Variants in FGFR3 observed in about 807,000 individuals in gnomAD.
The protein encoded by FGFR3 is fibroblast growth factor receptor 3.
In FGFR3, 25 loss-of-function variants were observed where a neutral mutation model predicts 82.9. The ratio of observed to expected loss-of-function variants is 0.30; its 90% CI spans 0.22 to 0.42. The LOEUF (loss-of-function observed/expected upper bound fraction) is 0.42. FGFR3 is among the 10% of genes least tolerant of loss of function. The pLI, the probability that FGFR3 is intolerant of heterozygous loss-of-function variation, is 1.00. For missense variants in FGFR3, 1,026 were observed against 1,161.0 expected (o/e 0.88, Z 1.69); for synonymous variants, 620 against 516.0 (o/e 1.20, Z -2.73).
At position 1,804,403 on chromosome 4, in the gene FGFR3, C is replaced by T. The variant is rs1721606054; in HGVS notation, c.1149C>T (p.Phe383=). 3 of 1,613,218 alleles carry T rather than the reference C, an allele frequency of 1.9e-6. No homozygotes were observed. The highest frequency in any genetic ancestry group is 3.3e-5 in the Admixed American group (2 of 59,984). The change falls in exon 9 of 18, where the codon TTC becomes TTT. Residue 383 remains phenylalanine, a synonymous_variant. Coordinates refer to ENST00000440486, the MANE Select transcript of FGFR3 (RefSeq NM_000142.5). ...YAGILSYGVG[F]FLFILVVAAV... ...GCATCCTCAGCTACGGGGTGGGCTTCTTCCTGTTCATCCTGGTGGTGGCGG... is the reference window on the plus strand; with the variant it reads ...GCATCCTCAGCTACGGGGTGGGCTTTTTCCTGTTCATCCTGGTGGTGGCGG...
chr4:1,795,271 C>T (rs558459981), intron 2 of FGFR3, among the ~76,000 whole-genome samples: 6 of 152,208 alleles, frequency 3.9e-5, no homozygotes, highest in South Asian at 2.1e-4. Context: ...GGGAGCTTGG[C>T]TTTCGCATTC....
At chr4:1,803,652 G>A (rs748737470) in intron 7 of FGFR3, 40 bp from the exon 8 acceptor site, 27 of 1,605,820 alleles carry the variant, frequency 1.7e-5, no homozygotes, top group African/African-American at 5.4e-5. Flanking sequence ...CCCGCAGGGC[G>A]GTGCTGGCGC....
At chr4:1,804,641 C>T in intron 9 of FGFR3, 121 bp downstream of exon 9, 1 of 1,455,850 alleles carries the variant, frequency 6.9e-7, no homozygotes, top group South Asian at 1.1e-5. Context: ...GGGCTCCCCT[C>T]TCCTCGTCTC....
At position 1,804,525 on chromosome 4, in the gene FGFR3, C is replaced by CAGAAAGT; in HGVS notation, c.1266+9_1266+15dup. 1 of 1,612,008 alleles carries CAGAAAGT rather than the reference C, an allele frequency of 6.2e-7. No homozygotes were observed. Among genetic ancestry groups the CAGAAAGT allele is most frequent in the Non-Finnish European group, 8.5e-7 (1 of 1,179,918 alleles). On this transcript the variant is annotated splice_donor_region_variant and intron_variant, in intron 9 of 17. Transcript: ENST00000440486. ...CGCTTCCCGCTCAAGCGACAGGTAA[C>CAGAAAGT]AGAAAGTAGATACCAGGTTCTGAGC...
In FGFR3 at chr4:1,796,350, T is replaced by C. The variant is rs959390305; in HGVS notation, c.109+2307T>C. On this transcript the variant is annotated intron_variant, in intron 2 of 17. Transcript: ENST00000440486. ...CTCCAGATCCCTTTTTTCCGGACTT[T>C]ATTGTGAAACTCCAGGTGGGGAGAC... Among the ~76,000 whole-genome samples the C allele has an allele frequency of 3.3e-5, 5 of 152,288 alleles. No homozygotes were observed. The East Asian group carries it at 9.6e-4, about 29-fold the overall frequency.
At chr4:1,795,831 T>C (rs1036568620) in intron 2 of FGFR3, among the ~76,000 whole-genome samples, 1 of 152,150 alleles carries the variant, frequency 6.6e-6, no homozygotes, top group Admixed American at 6.5e-5. Context: ...CCGAAGGTGC[T>C]GGCTGCAACC....
Position 1,806,377 on chromosome 4 carries a change from C to T in FGFR3, c.2030+50C>T, listed in dbSNP as rs1446224628. On this transcript the variant is annotated intron_variant, in intron 15 of 17. Coordinates refer to ENST00000440486, the MANE Select transcript of FGFR3 (RefSeq NM_000142.5). Reference sequence around the variant, plus strand: ...TTCAGGGGTGGAGGCGGGAACTGGGCAGAGCCAGGACCCCAGCTGCAGTCC... The same window carrying T: ...TTCAGGGGTGGAGGCGGGAACTGGGTAGAGCCAGGACCCCAGCTGCAGTCC... The T allele has an allele frequency of 1.9e-6, 3 of 1,608,582 alleles. No homozygotes were observed. In the African/African-American group the frequency reaches 4.0e-5, roughly 21 times the overall value.
rs746494257 is a variant in FGFR3, at chr4:1,807,575, C to G, written c.*313C>G. ...CCAGTGCAGAATGTAAGTGGGCCCA[C>G]CCGGTGGGACCCCCGTGGGGCAGGG... On this transcript the variant is annotated 3_prime_UTR_variant, in exon 18 of 18. Coordinates refer to ENST00000440486, the MANE Select transcript of FGFR3 (RefSeq NM_000142.5). The G allele has an allele frequency of 2.7e-5, 19 of 691,376 alleles. No individual in the cohort carries two copies. The African/African-American group carries it at 2.9e-4, about 11-fold the overall frequency. 42.8% of individuals were successfully genotyped at this position (691,376 alleles called of 1,614,324 possible). A position where few individuals can be genotyped will look rare whatever the true frequency, so the allele number is the denominator to read the frequency against.
At chr4:1,794,773 C>T (rs1720272791) in intron 2 of FGFR3, among the ~76,000 whole-genome samples, 1 of 151,908 alleles carries the variant, frequency 6.6e-6, no homozygotes, top group Non-Finnish European at 1.5e-5. Flanking sequence ...CCTCGTGGGC[C>T]GGGCCGAGAG....
At chr4:1,802,728 G>A (rs1721347382) in intron 7 of FGFR3, among the ~76,000 whole-genome samples, 1 of 152,188 alleles carries the variant, frequency 6.6e-6, no homozygotes, top group African/African-American at 2.4e-5. Flanking sequence ...TTGTTGGGGT[G>A]GAGGCAGAGA....
chr4:1,804,552 G>C lies in FGFR3; in HGVS notation c.1266+32G>C, dbSNP rs1461486402. 2.7e-5 allele frequency: 44 copies of C among 1,608,624 alleles called. 1 individual carries two copies. The Admixed American group carries it at 7.3e-4, about 27-fold the overall frequency. ...GAAAGTAGATACCAGGTTCTGAGCT[G>C]CCTGCCCGCCAGGCCTCCTGGAGCC... On this transcript the variant is annotated intron_variant, in intron 9 of 17. Coordinates refer to ENST00000440486, the MANE Select transcript of FGFR3 (RefSeq NM_000142.5).
At position 1,796,374 on chromosome 4, in the gene FGFR3, A is replaced by G. The variant is rs191452722; in HGVS notation, c.109+2331A>G. ...TTATTGTGAAACTCCAGGTGGGGAG[A>G]CAGGGAGGCTGGACTTTTGGGGGCC... is the stretch of plus-strand genomic sequence containing the variant. On this transcript the variant is annotated intron_variant, in intron 2 of 17. Transcript: ENST00000440486. 4.9e-4 allele frequency among the ~76,000 whole-genome samples: 75 copies of G among 152,140 alleles called. No individual in the cohort carries two copies. The East Asian group carries it at 0.014, about 28-fold the overall frequency.
At chr4:1,802,665 GC>G (rs1394019910) in intron 7 of FGFR3, among the ~76,000 whole-genome samples, 3 of 152,078 alleles carry the variant, frequency 2.0e-5, no homozygotes, top group Non-Finnish European at 4.4e-5. Flanking sequence ...TTCTGCAAGA[GC>G]CCGGGGGAGG....
At position 1,807,128 on chromosome 4, in the gene FGFR3, C is replaced by G. The variant is rs774517056; in HGVS notation, c.2287C>G (p.Leu763Val). ...TVTSTDEYLD[L>V]SAPFEQYSPG... Reference sequence around the variant, plus strand: ...CTCCCGCCAGCAGGAGTACCTGGACCTGTCGGCGCCTTTCGAGCAGTACTC... The same window carrying G: ...CTCCCGCCAGCAGGAGTACCTGGACGTGTCGGCGCCTTTCGAGCAGTACTC... The change falls in exon 18 of 18, where the codon CTG becomes GTG. Residue 763 changes from leucine to valine, a missense_variant. Around this residue, in one of 9 missense-constraint regions of FGFR3, gnomAD observed 155 missense variants for 150.2 expected, o/e 1.03. Transcript: ENST00000440486. 2.5e-6 allele frequency: 4 copies of G among 1,586,928 alleles called. No homozygotes were observed. The highest frequency in any genetic ancestry group is 3.4e-6 in the Non-Finnish European group (4 of 1,167,214).
chr4:1,808,177 T>C lies in FGFR3; in HGVS notation c.*915T>C, dbSNP rs1243136814. 2.6e-5 allele frequency: 6 copies of C among 232,492 alleles called. No homozygotes were observed. Among genetic ancestry groups the C allele is most frequent in the Non-Finnish European group, 4.2e-5 (5 of 117,692 alleles). 14.4% of individuals were successfully genotyped at this position (232,492 alleles called of 1,614,324 possible). A position where few individuals can be genotyped will look rare whatever the true frequency, so the allele number is the denominator to read the frequency against. ...CACTTCCAGCATTTAGCTGGCCACATGGCGGAGAGTTTTAATTTTTAACTT... is the reference window on the plus strand; with the variant it reads ...CACTTCCAGCATTTAGCTGGCCACACGGCGGAGAGTTTTAATTTTTAACTT... On this transcript the variant is annotated 3_prime_UTR_variant, in exon 18 of 18. Coordinates refer to ENST00000440486, the MANE Select transcript of FGFR3 (RefSeq NM_000142.5).
intron 2 of FGFR3, among the ~76,000 whole-genome samples, chr4:1,796,180 A>G (rs1720487740): frequency 6.6e-6 from 1 of 152,156 alleles, no homozygotes; most frequent in Non-Finnish European, 1.5e-5. Flanking sequence ...GGTAGGGGTC[A>G]GCCTGGACCT....
Position 1,804,902 on chromosome 4 carries a change from C to G in FGFR3, c.1345C>G (p.Pro449Ala). 1 of 1,549,962 alleles carries G rather than the reference C, an allele frequency of 6.5e-7. No individual in the cohort carries two copies. The highest frequency in any genetic ancestry group is 8.7e-7 in the Non-Finnish European group (1 of 1,146,920). Reference protein sequence around the residue: ...RIARLSSGEGPTLANVSELEL... With the variant: ...RIARLSSGEGATLANVSELEL... ...CGCAAGGCTGTCCTCAGGGGAGGGC[C>G]CCACGCTGGCCAATGTCTCCGAGCT... The change falls in exon 10 of 18, where the codon CCC (proline) becomes GCC (alanine). Residue 449 changes from proline (P) to alanine (A), a missense_variant. Physicochemically the swap from Pro to Ala is conservative, Grantham distance 27 (BLOSUM62 -1). Coordinates refer to ENST00000440486, the MANE Select transcript of FGFR3 (RefSeq NM_000142.5).
intron 2 of FGFR3, among the ~76,000 whole-genome samples, chr4:1,797,282 C>G (rs1043587003): frequency 6.6e-6 from 1 of 152,142 alleles, no homozygotes; most frequent in Non-Finnish European, 1.5e-5. Flanking sequence ...AGACCCTGAA[C>G]TTATAGCACC....
At chr4:1,798,553 C>T (rs1720802136) in intron 2 of FGFR3, among the ~76,000 whole-genome samples, 1 of 152,016 alleles carries the variant, frequency 6.6e-6, no homozygotes, top group Non-Finnish European at 1.5e-5. Context: ...CCCCGGCCCC[C>T]TCGCGCTGCT....
Sources: gnomAD v4.1 joint callset for allele counts (sites outside exome capture counted in the v4.1 genomes callset) on GRCh38, gnomAD v4.1.1 for gene constraint, gnomAD v4.1.1 regional missense constraint, MANE v1.5 for transcripts, NCBI Gene and HGNC (gene_info 2026-07-23, HGNC 2026-07-21) for gene names.